CDH18: variants seen among roughly 807,000 people sequenced by gnomAD.
CDH18 encodes cadherin-18.
In CDH18, 31 loss-of-function variants were observed where a neutral mutation model predicts 67.9. The ratio of observed to expected loss-of-function variants is 0.46; its 90% CI spans 0.34 to 0.62. The LOEUF (loss-of-function observed/expected upper bound fraction) is 0.62. Among genes scored for constraint, CDH18 ranks in the 20% least tolerant of loss-of-function variants. The pLI is 0.01. For synonymous variants in CDH18, 362 were observed against 347.2 expected, an observed-to-expected ratio of 1.04 and a Z score of -0.48; for missense variants, 890 against 975.5, an observed-to-expected ratio of 0.91 and a Z score of 1.17.
chr5:19,708,141 G>A (rs1764201295), intron 5 of CDH18, among the ~76,000 whole-genome samples: 1 of 152,126 alleles, frequency 6.6e-6, no homozygotes, highest in Non-Finnish European at 1.5e-5. Flanking sequence ...TAATGAAAAA[G>A]CATCTAGAAG....
intron 9 of CDH18, among the ~76,000 whole-genome samples, chr5:19,534,632 T>A (rs1050935971): frequency 6.6e-5 from 10 of 152,196 alleles, no homozygotes; most frequent in African/African-American, 2.2e-4. Flanking sequence ...TATTTTTACT[T>A]GTGTGCTTTT....
chr5:20,573,972 T>A (rs990145624), intron 1 of CDH18, among the ~76,000 whole-genome samples: 5 of 147,996 alleles, frequency 3.4e-5, no homozygotes, highest in Admixed American at 6.8e-5. Flanking sequence ...ATACTTTTTT[T>A]AAACAAATGA....
intron 1 of CDH18, among the ~76,000 whole-genome samples, chr5:20,405,964 A>G (rs1280545061): frequency 1.3e-5 from 2 of 152,168 alleles, no homozygotes; most frequent in Non-Finnish European, 2.9e-5. Flanking sequence ...AAGAAATAGG[A>G]ACACTTTTAC....
intron 2 of CDH18, among the ~76,000 whole-genome samples, chr5:19,845,884 C>T (rs1444858596): frequency 6.6e-6 from 1 of 151,824 alleles, no homozygotes; most frequent in African/African-American, 2.4e-5. Context: ...CTTTCTCTCT[C>T]AACTGATTTG....
chr5:20,386,534 T>C (rs1166656164), intron 1 of CDH18, among the ~76,000 whole-genome samples: 2 of 152,134 alleles, frequency 1.3e-5, no homozygotes, highest in Admixed American at 6.6e-5. Context: ...ATTACTAATA[T>C]ATCCACATAC....
intron 2 of CDH18, among the ~76,000 whole-genome samples, chr5:19,999,709 A>G (rs1024678733): frequency 1.3e-5 from 2 of 152,200 alleles, no homozygotes; most frequent in Admixed American, 6.5e-5. Context: ...GAGAATGAGA[A>G]AACAGTGCAA....
At position 19,472,677 on chromosome 5, in the gene CDH18, C is replaced by T. The variant is rs1251085011; in HGVS notation, c.*549G>A. Among the ~76,000 whole-genome samples the T allele has an allele frequency of 2.0e-5, 3 of 152,004 alleles. No individual in the cohort carries two copies. Among genetic ancestry groups the T allele is most frequent in the Admixed American group, 2.0e-4 (3 of 15,234 alleles). Reference sequence around the variant, plus strand: ...GGAGGGCAAAGGGAAATGGTACATACAAGTCCATGATAGAGTGGAAATACC... The same window carrying T: ...GGAGGGCAAAGGGAAATGGTACATATAAGTCCATGATAGAGTGGAAATACC... On this transcript the variant is annotated 3_prime_UTR_variant, in exon 13 of 13. Transcript: ENST00000382275.
intron 1 of CDH18, among the ~76,000 whole-genome samples, chr5:20,538,692 T>A (rs189289095): frequency 6.6e-6 from 1 of 152,236 alleles, no homozygotes; most frequent in East Asian, 1.9e-4. Context: ...AGAAAGATAT[T>A]TCATTTCATT....
In CDH18 at chr5:19,643,162, G is replaced by A. The variant is rs546218351; in HGVS notation, c.644-30561C>T. 4.2e-4 allele frequency among the ~76,000 whole-genome samples: 64 copies of A among 152,132 alleles called. 1 individual carries two copies. The Middle Eastern group carries it at 0.01, about 24-fold the overall frequency. On this transcript the variant is annotated intron_variant, in intron 5 of 12. Transcript: ENST00000382275. ...TACTTTAGCCCTCTTAGAATGGCCA[G>A]TCACTGTCACAAAATAAATGATAAT...
chr5:20,381,783 A>G (rs1247642803), intron 1 of CDH18, among the ~76,000 whole-genome samples: 1 of 152,162 alleles, frequency 6.6e-6, no homozygotes, highest in East Asian at 1.9e-4. Context: ...CCCGTTCAAC[A>G]AAAGTAGGAT....
intron 1 of CDH18, among the ~76,000 whole-genome samples, chr5:20,262,365 G>T (rs1744719519): frequency 1.3e-5 from 2 of 152,090 alleles, no homozygotes; most frequent in Non-Finnish European, 2.9e-5. Flanking sequence ...TCACAATGTT[G>T]GAAGGGACTT....
At chr5:19,750,065 T>C (rs894842888) in intron 3 of CDH18, among the ~76,000 whole-genome samples, 1 of 152,086 alleles carries the variant, frequency 6.6e-6, no homozygotes, top group South Asian at 2.1e-4. Context: ...GATGATCATT[T>C]TATTAATGAA....
intron 3 of CDH18, among the ~76,000 whole-genome samples, chr5:19,773,344 A>G (rs1773940986): frequency 6.6e-6 from 1 of 152,184 alleles, no homozygotes; most frequent in Non-Finnish European, 1.5e-5. Context: ...TATCCATGCA[A>G]TTATTTTAAT....
chr5:20,045,088 T>G (rs902159970), intron 2 of CDH18, among the ~76,000 whole-genome samples: 12 of 152,182 alleles, frequency 7.9e-5, no homozygotes, highest in Admixed American at 2.6e-4. Context: ...TGTAAACATT[T>G]GTACCATAAT....
intron 3 of CDH18, among the ~76,000 whole-genome samples, chr5:19,834,632 A>G (rs926054383): frequency 4.6e-5 from 7 of 151,742 alleles, no homozygotes; most frequent in African/African-American, 1.7e-4. Context: ...TCGATTTGAG[A>G]CCTTTCTAGC....
At chr5:19,721,713 A>T (rs951081458) in intron 4 of CDH18, among the ~76,000 whole-genome samples, 1 of 152,206 alleles carries the variant, frequency 6.6e-6, no homozygotes, top group East Asian at 1.9e-4. Context: ...TGTGTTGGTA[A>T]CATTGTGAAT....
chr5:19,484,747 G>C (rs1406787087), intron 11 of CDH18, among the ~76,000 whole-genome samples: 1 of 152,198 alleles, frequency 6.6e-6, no homozygotes, highest in Non-Finnish European at 1.5e-5. Context: ...AAGAGTGAAT[G>C]TCAGCTCCAT....
intron 2 of CDH18, among the ~76,000 whole-genome samples, chr5:19,920,013 A>G (rs1792255913): frequency 6.6e-6 from 1 of 152,180 alleles, no homozygotes; most frequent in Non-Finnish European, 1.5e-5. Flanking sequence ...AAATTGCAAA[A>G]TCTATATTAA....
intron 6 of CDH18, among the ~76,000 whole-genome samples, chr5:19,592,699 T>G (rs940392167): frequency 6.6e-6 from 1 of 152,148 alleles, no homozygotes; most frequent in South Asian, 2.1e-4. Context: ...ATGAGATCCA[T>G]CCGATAAACA....
Sources: allele counts gnomAD v4.1 joint callset (sites outside exome capture counted in the v4.1 genomes callset), GRCh38; gene constraint gnomAD v4.1.1; transcripts MANE v1.5; gene names NCBI Gene and HGNC (gene_info 2026-07-23, HGNC 2026-07-21).